The following RNF17 variants were observed in gnomAD, a reference collection of about 807,000 sequenced individuals.
RNF17 encodes spermatogenesis associated 23.
RNF17 carries 31 observed loss-of-function variants against 200.5 expected under a neutral mutation model. That is an observed-to-expected ratio of 0.15 (90% CI 0.12 to 0.21). The LOEUF (loss-of-function observed/expected upper bound fraction) is 0.21, where lower values mean the gene tolerates loss of function less well. Ranked by LOEUF, RNF17 falls within the 10% of genes least tolerant of loss-of-function variation. RNF17 has a pLI of 1.00. For missense variants in RNF17, 1,628 were observed against 1,905.1 expected, an observed-to-expected ratio of 0.85 and a Z score of 2.71; for synonymous variants, 606 against 637.8, an observed-to-expected ratio of 0.95 and a Z score of 0.75.
chr13:24,799,543 C>A lies in RNF17; in HGVS notation c.1548C>A (p.Phe516Leu). ...ATGAAGTTGCACTAATACAAATATT[C>A]ATGGTAGATTTTGGAAATTCTGAAG... ...FVHEVALIQIFMVDFGNSEVL... is the reference protein window; with the variant it reads ...FVHEVALIQILMVDFGNSEVL... The change falls in exon 12 of 36, where the codon TTC becomes TTA. Residue 516 changes from phenylalanine (F) to leucine (L), a missense_variant. Around this residue, in one of 5 missense-constraint regions of RNF17, gnomAD observed 289 missense variants for 384.9 expected, o/e 0.75. Transcript: ENST00000255324. 1 of 1,610,166 alleles carries A rather than the reference C, an allele frequency of 6.2e-7. No homozygotes were observed. Among genetic ancestry groups the A allele is most frequent in the Non-Finnish European group, 8.5e-7 (1 of 1,177,796 alleles).
At position 24,764,211 on chromosome 13, in the gene RNF17, C is replaced by A. The variant is rs965826510; in HGVS notation, c.8C>A (p.Ala3Glu). 7 of 1,592,842 alleles carry A rather than the reference C, an allele frequency of 4.4e-6. No homozygotes were observed. The highest frequency in any genetic ancestry group is 6.0e-6 in the Non-Finnish European group (7 of 1,163,520). The change falls in exon 1 of 36, where the codon GCA (alanine) becomes GAA (glutamate). Residue 3 changes from alanine (A) to glutamate (E), a missense_variant. Physicochemically the swap from Ala to Glu is moderately radical, Grantham distance 107. Coordinates refer to ENST00000255324, the MANE Select transcript of RNF17 (RefSeq NM_031277.3). MA[A>E]EASKTGPSRS... ...CAGAAGAAAGAGACAGCGATGGCGG[C>A]AGAGGCTTCGAAGACTGGGCCTTCT...
the RNF17 span, chr13:24,885,305 G>A: frequency 9.3e-6 from 15 of 1,612,378 alleles, no homozygotes; most frequent in African/African-American, 1.3e-5. Flanking sequence ...ATTTCTCCCT[G>A]TATGTCTTGG....
chr13:24,873,917 T>C (rs1894576840), intron 32 of RNF17, among the ~76,000 whole-genome samples, 197 bp from the exon 33 acceptor site: 1 of 152,220 alleles, frequency 6.6e-6, no homozygotes, highest in African/African-American at 2.4e-5. Context: ...TAGTATTCCA[T>C]TGTGTATATA....
chr13:24,824,502 A>G (rs1435089447), intron 15 of RNF17: 3 of 251,566 alleles, frequency 1.2e-5, no homozygotes. Flanking sequence ...ATTTCAAAAT[A>G]TTTTTTAACA....
At chr13:24,869,071 G>A (rs1216408312) in intron 31 of RNF17, among the ~76,000 whole-genome samples, 2 of 151,958 alleles carry the variant, frequency 1.3e-5, no homozygotes, top group East Asian at 1.9e-4. Context: ...GGCTGACACC[G>A]TGTTCCACTT....
At chr13:24,768,052 G>A (rs1880008583) in intron 2 of RNF17, among the ~76,000 whole-genome samples, 1 of 152,002 alleles carries the variant, frequency 6.6e-6, no homozygotes, top group South Asian at 2.1e-4. Context: ...CAACCTTTGT[G>A]TGTCATCAAA....
At chr13:24,886,373 G>A in the RNF17 span, 43 of 1,288,978 alleles carry the variant, frequency 3.3e-5, no homozygotes, top group South Asian at 6.2e-5. Flanking sequence ...CGTGTGAGGC[G>A]GCTGTGCTGT....
chr13:24,883,848 A>T (rs969175359), downstream of RNF17: 1 of 1,118,920 alleles, frequency 8.9e-7, no homozygotes, highest in African/African-American at 1.5e-5. Context: ...TTCAAACTGA[A>T]CCCCCTAATA....
Position 24,862,856 on chromosome 13 carries a change from T to C in RNF17, c.3975+63T>C, listed in dbSNP as rs1171042422. On this transcript the variant is annotated intron_variant, in intron 28 of 35. Transcript: ENST00000255324. ...CCATAAAATATTATAATTAACATAA[T>C]TTGAGGGATATTTTTGATGATAAGC... 3 of 964,362 alleles carry C rather than the reference T, an allele frequency of 3.1e-6. No homozygotes were observed. In the African/African-American group the frequency reaches 4.9e-5, roughly 16 times the overall value. The allele number at this position is 964,362 out of a possible 1,614,324, so 59.7% of individuals were successfully genotyped here. A position where few individuals can be genotyped will look rare whatever the true frequency, so the allele number is the denominator to read the frequency against.
chr13:24,792,026 C>A (rs1883929700), intron 9 of RNF17, among the ~76,000 whole-genome samples: 1 of 152,304 alleles, frequency 6.6e-6, no homozygotes, highest in East Asian at 1.9e-4. Context: ...GCTCAGTCAT[C>A]TTTCTCCATG....
chr13:24,815,105 T>G (rs1289673406), intron 15 of RNF17, among the ~76,000 whole-genome samples: 1 of 152,180 alleles, frequency 6.6e-6, no homozygotes. Flanking sequence ...TTAACAGGGA[T>G]TACATTGAAT....
chr13:24,807,488 A>G (rs1381210174), intron 15 of RNF17, among the ~76,000 whole-genome samples: 1 of 151,876 alleles, frequency 6.6e-6, no homozygotes, highest in African/African-American at 2.4e-5. Context: ...CCACTTTTTG[A>G]TGGGGTTGTT....
At chr13:24,851,308 G>C in intron 23 of RNF17, 148 bp from the exon 24 acceptor site, 1 of 651,334 alleles carries the variant, frequency 1.5e-6, no homozygotes, top group Non-Finnish European at 2.7e-6. Context: ...GCTATTTTTG[G>C]ATGTGTTTAG....
intron 31 of RNF17, 74 bp downstream of exon 31, chr13:24,868,790 TCTTCA>T: frequency 1.3e-6 from 1 of 773,084 alleles, no homozygotes; most frequent in Non-Finnish European, 2.2e-6. Context: ...TATAAGTGAC[TCTTCA>T]CTTCTCTATT....
At chr13:24,870,194 G>A (rs1323533121) in intron 31 of RNF17, among the ~76,000 whole-genome samples, 2 of 151,974 alleles carry the variant, frequency 1.3e-5, no homozygotes, top group Non-Finnish European at 2.9e-5. Flanking sequence ...GAGTCACCCT[G>A]CCGCGGCCTC....
At chr13:24,842,993 A>AG (rs1291410987) in intron 19 of RNF17, among the ~76,000 whole-genome samples, 7 of 145,958 alleles carry the variant, frequency 4.8e-5, no homozygotes, top group Middle Eastern at 3.2e-3. Context: ...TCTAAAAAAA[A>AG]AAAAAGAAAA....
downstream of RNF17, among the ~76,000 whole-genome samples, chr13:24,881,937 C>T (rs1178213993): frequency 3.7e-4 from 23 of 61,764 alleles, 1 homozygote; most frequent in Non-Finnish European, 6.6e-4. Context: ...TATATAGATA[C>T]ATCTATATAG....
chr13:24,804,294 GTCACAA>G lies in RNF17; in HGVS notation c.1961_1966del (p.Gln654_Ser655del), dbSNP rs1291871565. 11 of 1,612,398 alleles carry G rather than the reference GTCACAA, an allele frequency of 6.8e-6. No individual in the cohort carries two copies. In the Admixed American group the frequency reaches 1.8e-4, roughly 27 times the overall value. Reference sequence around the variant, plus strand: ...TCATTATGCTTTTAATTAGGTTTAAGTCACAATCACTAAGAAGTCACTTTGAAAAAA... The same window carrying G: ...TCATTATGCTTTTAATTAGGTTTAAGTCACTAAGAAGTCACTTTGAAAAAA... On this transcript the variant is annotated inframe_deletion, in exon 15 of 36. Coordinates refer to ENST00000255324, the MANE Select transcript of RNF17 (RefSeq NM_031277.3).
At chr13:24,805,166 C>A (rs140629552) in intron 15 of RNF17, among the ~76,000 whole-genome samples, 1 of 152,000 alleles carries the variant, frequency 6.6e-6, no homozygotes, top group Non-Finnish European at 1.5e-5. Context: ...TTAGGATTTG[C>A]GTTTATTTCT....
Sources: allele counts gnomAD v4.1 joint callset (sites outside exome capture counted in the v4.1 genomes callset), GRCh38; gene constraint gnomAD v4.1.1; regional missense constraint gnomAD v4.1.1; transcripts MANE v1.5; gene names NCBI Gene and HGNC (gene_info 2026-07-23, HGNC 2026-07-21).